BBS9: variants seen among roughly 807,000 people sequenced by gnomAD.
BBS9 encodes the protein Bardet-Biedl syndrome 9, also known as protein PTHB1.
BBS9 carries 89 observed loss-of-function variants against 117.7 expected under a neutral mutation model. The observed-to-expected ratio is 0.76, with a 90% CI of 0.64 to 0.90. The LOEUF is 0.90. Ranked by LOEUF, BBS9 falls within the 40% of genes least tolerant of loss-of-function variation. The probability of loss-of-function intolerance (pLI) is 0.00; values close to 1 mark genes in which losing one functional copy is unlikely to be tolerated. For missense variants in BBS9, 982 were observed against 1,042.2 expected (o/e 0.94, Z 0.80); for synonymous variants, 379 against 370.9 (o/e 1.02, Z -0.25).
At chr7:33,142,825 T>C (rs1237813914) in intron 1 of BBS9, among the ~76,000 whole-genome samples, 1 of 152,204 alleles carries the variant, frequency 6.6e-6, no homozygotes, top group African/African-American at 2.4e-5. Flanking sequence ...ATTTATCCAT[T>C]GATGGATGTT....
intron 9 of BBS9, among the ~76,000 whole-genome samples, chr7:33,326,007 G>T (rs753546931): frequency 7.9e-5 from 12 of 151,970 alleles, no homozygotes; most frequent in Non-Finnish European, 1.3e-4. Flanking sequence ...CTTACGTGTG[G>T]TCAAGTCCCT....
chr7:33,576,854 T>G (rs1425126131), intron 21 of BBS9, among the ~76,000 whole-genome samples: 4 of 152,156 alleles, frequency 2.6e-5, no homozygotes, highest in African/African-American at 9.7e-5. Flanking sequence ...TAGCCATATG[T>G]AGAAAGCTGA....
chr7:33,403,265 C>T (rs1460053704), intron 19 of BBS9, among the ~76,000 whole-genome samples: 2 of 151,146 alleles, frequency 1.3e-5, no homozygotes, highest in African/African-American at 4.9e-5. Flanking sequence ...CTCTAATACT[C>T]CCAGTACCAC....
intron 5 of BBS9, among the ~76,000 whole-genome samples, chr7:33,221,754 A>G (rs1790276431): frequency 6.6e-6 from 1 of 152,178 alleles, no homozygotes; most frequent in South Asian, 2.1e-4. Context: ...GCCCTGCCAG[A>G]GTTGCTATTC....
At position 33,235,961 on chromosome 7, in the gene BBS9, C is replaced by T. The variant is rs529607403; in HGVS notation, c.443-21275C>T. 5.3e-5 allele frequency among the ~76,000 whole-genome samples: 8 copies of T among 152,126 alleles called. 1 individual carries two copies. Among genetic ancestry groups the T allele is most frequent in the East Asian group, 1.9e-4 (1 of 5,182 alleles). ...TAGATATATAGCTCTTTTTGAGTAA[C>T]GAAAATGAAAGTAATGAAACTACTT... On this transcript the variant is annotated intron_variant, in intron 5 of 22. Coordinates refer to ENST00000242067, the MANE Select transcript of BBS9 (RefSeq NM_198428.3).
At chr7:33,394,973 C>T (rs1055432696) in intron 19 of BBS9, among the ~76,000 whole-genome samples, 1 of 152,118 alleles carries the variant, frequency 6.6e-6, no homozygotes, top group African/African-American at 2.4e-5. Context: ...AAAGTCCAGG[C>T]TTTAGAATAT....
At chr7:33,433,020 A>C (rs1834760892) in intron 19 of BBS9, among the ~76,000 whole-genome samples, 1 of 152,136 alleles carries the variant, frequency 6.6e-6, no homozygotes, top group Admixed American at 6.5e-5. Flanking sequence ...TGGTCCATCA[A>C]TCACCTAGCC....
At chr7:33,249,252 C>CACACACAT (rs58309954) in intron 5 of BBS9, among the ~76,000 whole-genome samples, 1 of 151,306 alleles carries the variant, frequency 6.6e-6, no homozygotes, top group African/African-American at 2.4e-5. Flanking sequence ...CACACACACA[C>CACACACAT]GCGTACACTC....
Position 33,548,288 on chromosome 7 carries a change from T to C in BBS9, c.2521+14112T>C, listed in dbSNP as rs575658340. Among the ~76,000 whole-genome samples, 148 of 152,342 alleles carry C rather than the reference T, an allele frequency of 9.7e-4. 2 individuals are homozygous for C. The highest frequency in any genetic ancestry group is 1.3e-3 in the Non-Finnish European group (88 of 68,026). ...ATCACTATTCTTATTTCTTTAATTG[T>C]CATGTAGATAACTCTGTAAAATGCC... is the stretch of plus-strand genomic sequence containing the variant. On this transcript the variant is annotated intron_variant, in intron 21 of 22. Transcript: ENST00000242067.
At chr7:33,416,269 C>A (rs1055269505) in intron 19 of BBS9, among the ~76,000 whole-genome samples, 1 of 151,400 alleles carries the variant, frequency 6.6e-6, no homozygotes, top group Non-Finnish European at 1.5e-5. Context: ...ACAGGCTGCC[C>A]CCTTCACATG....
At chr7:33,241,272 C>G (rs75544519) in intron 5 of BBS9, among the ~76,000 whole-genome samples, 2,218 of 152,154 alleles carry the variant, frequency 0.015, 33 homozygotes, top group Non-Finnish European at 0.021. Context: ...TTTTCCTACA[C>G]AATATATAAC....
At chr7:33,411,236 G>A (rs553704920) in intron 19 of BBS9, among the ~76,000 whole-genome samples, 117 of 152,072 alleles carry the variant, frequency 7.7e-4, no homozygotes, top group African/African-American at 2.7e-3. Flanking sequence ...TTCCTATTTA[G>A]CAAACTACTT....
intron 11 of BBS9, 36 bp downstream of exon 11, chr7:33,341,009 G>C (rs747579551): frequency 1.2e-5 from 19 of 1,575,418 alleles, no homozygotes; most frequent in Non-Finnish European, 1.6e-5. Context: ...GGGTTTATAA[G>C]AGTGGTAAAC....
At chr7:33,560,515 C>T (rs34653354) in intron 21 of BBS9, among the ~76,000 whole-genome samples, 63 of 152,136 alleles carry the variant, frequency 4.1e-4, no homozygotes, top group Non-Finnish European at 7.9e-4. Flanking sequence ...AGCTTTGGTT[C>T]AGGTGCTTTG....
intron 21 of BBS9, among the ~76,000 whole-genome samples, chr7:33,575,923 T>C (rs1051281859): frequency 1.3e-5 from 2 of 152,054 alleles, no homozygotes; most frequent in African/African-American, 4.8e-5. Context: ...ATAAGAGCTA[T>C]TTATGACAAT....
At chr7:33,189,434 C>T (rs937378050) in intron 5 of BBS9, among the ~76,000 whole-genome samples, 5 of 151,818 alleles carry the variant, frequency 3.3e-5, no homozygotes, top group Admixed American at 6.6e-5. Flanking sequence ...GCCTTCTTTT[C>T]ATAATAAATA....
intron 21 of BBS9, among the ~76,000 whole-genome samples, chr7:33,597,993 T>TCAC (rs1301801642): frequency 6.6e-6 from 1 of 151,820 alleles, no homozygotes; most frequent in Non-Finnish European, 1.5e-5. Context: ...GGCCTCAGCA[T>TCAC]CACCCCCTCT....
exon 22 of BBS9, among the ~76,000 whole-genome samples, chr7:33,635,529 C>T (rs1430008145): frequency 6.6e-6 from 1 of 152,218 alleles, no homozygotes; most frequent in Non-Finnish European, 1.5e-5. Context: ...GTGAGCTACT[C>T]AGTGCCCTTT....
intron 19 of BBS9, among the ~76,000 whole-genome samples, chr7:33,396,077 A>T (rs1434752857): frequency 6.6e-6 from 1 of 151,614 alleles, no homozygotes; most frequent in Non-Finnish European, 1.5e-5. Context: ...GTGGTAAGTA[A>T]AAACAAAACA....
Sources: allele counts gnomAD v4.1 joint callset (sites outside exome capture counted in the v4.1 genomes callset), GRCh38; gene constraint gnomAD v4.1.1; transcripts MANE v1.5; gene names NCBI Gene and HGNC (gene_info 2026-07-23, HGNC 2026-07-21).